Variants in PLCD1 observed in about 807,000 individuals in gnomAD.
PLCD1 encodes the protein 1-phosphatidylinositol 4,5-bisphosphate phosphodiesterase delta-1.
Under a neutral mutation model 87.4 loss-of-function variants are expected in PLCD1, and 71 were observed. That is an observed-to-expected ratio of 0.81 (90% confidence interval 0.67 to 0.99). PLCD1 has a LOEUF of 0.99. Among genes scored for constraint, PLCD1 ranks in the 50% least tolerant of loss-of-function variants. PLCD1 has a pLI of 0.00. For missense variants in PLCD1, 867 were observed against 1,001.5 expected, an observed-to-expected ratio of 0.87 and a Z score of 1.81; for synonymous variants, 348 against 399.2, an observed-to-expected ratio of 0.87 and a Z score of 1.53.
chr3:38,017,349 G>T lies in PLCD1; in HGVS notation c.200-630C>A, dbSNP rs1700173745. ...TGCATGGGAGAGGAGACAGGGTCGT[G>T]CCCTGTGTGCAGCTGTGTGTGTCCT... is the stretch of plus-strand genomic sequence containing the variant. On this transcript the variant is annotated intron_variant, in intron 2 of 14. Transcript: ENST00000334661. The surrounding 1 kb of genome is among the most constrained non-coding windows in gnomAD (Gnocchi z 4.7). Among the ~76,000 whole-genome samples, 2 of 152,172 alleles carry T rather than the reference G, an allele frequency of 1.3e-5. No individual in the cohort carries two copies. Among genetic ancestry groups the T allele is most frequent in the Non-Finnish European group, 2.9e-5 (2 of 68,016 alleles).
intron 14 of PLCD1, 61 bp from the exon 15 acceptor site, chr3:38,007,919 G>C (rs139682605): frequency 4.5e-5 from 73 of 1,604,490 alleles, no homozygotes; most frequent in African/African-American, 3.3e-4. Context: ...GCGGCGGAGG[G>C]GGGGTGGATG....
chr3:38,020,148 C>T, intron 2 of PLCD1, 40 bp downstream of exon 2: 1 of 1,584,312 alleles, frequency 6.3e-7, no homozygotes, highest in Non-Finnish European at 8.7e-7. Flanking sequence ...TGAGCAGATT[C>T]CACACTCTAT....
intron 3 of PLCD1, among the ~76,000 whole-genome samples, chr3:38,012,496 CAT>C (rs1425888125): frequency 6.6e-6 from 1 of 150,794 alleles, no homozygotes; most frequent in Non-Finnish European, 1.5e-5. Context: ...ATTTGGAAAA[CAT>C]ATATATGTTA....
intron 1 of PLCD1, chr3:38,024,046 G>A: frequency 4.4e-6 from 2 of 451,538 alleles, no homozygotes; most frequent in Admixed American, 3.9e-5. Flanking sequence ...CCACATACAC[G>A]GTGCCTCAGA....
chr3:38,011,172 G>A lies in PLCD1; in HGVS notation c.790+42C>T, dbSNP rs199514996. The stretch of plus-strand genomic sequence containing the variant: ...CCCCAGGGGTCTCCCAGCCCAGTGC[G>A]GCCCTGCGACTGCAGGTAGCAGGCC... On this transcript the variant is annotated intron_variant, in intron 5 of 14. Transcript: ENST00000334661. 3.2e-4 allele frequency: 475 copies of A among 1,486,666 alleles called. 1 individual carries two copies. The African/African-American group carries it at 4.5e-3, about 14-fold the overall frequency. The allele number at this position is 1,486,666 out of a possible 1,614,324, so 92.1% of individuals were successfully genotyped here.
At chr3:38,009,629 C>G (rs1700034837) in intron 9 of PLCD1, 24 bp downstream of exon 9, 1 of 1,613,736 alleles carries the variant, frequency 6.2e-7, no homozygotes, top group Non-Finnish European at 8.5e-7. Context: ...CCGGGCTGCC[C>G]CACCCCACAG....
intron 3 of PLCD1, among the ~76,000 whole-genome samples, chr3:38,013,208 CTTTTTTT>C (rs869279889): frequency 4.2e-4 from 50 of 118,506 alleles, no homozygotes; most frequent in East Asian, 2.5e-3. Context: ...TTTTAATTTT[CTTTTTTT>C]TTTTTTTTTT....
rs73060853 is a variant in PLCD1, at chr3:38,018,455, C to T, written c.199+1733G>A. Among the ~76,000 whole-genome samples, 3,676 of 152,198 alleles carry T rather than the reference C, an allele frequency of 0.024. 64 individuals are homozygous for T. The highest frequency in any genetic ancestry group is 0.099 in the Middle Eastern group (29 of 294). ...CTCCTCCTCACCCTGCACCTTGGCTCACACTGGGCCTCCTGCCTGCAATGT... is the reference window on the plus strand; with the variant it reads ...CTCCTCCTCACCCTGCACCTTGGCTTACACTGGGCCTCCTGCCTGCAATGT... On this transcript the variant is annotated intron_variant, in intron 2 of 14. Transcript: ENST00000334661. This position sits in a 1 kb window ranked among gnomAD's most constrained non-coding sequence, Gnocchi z 5.7.
chr3:38,013,089 C>T (rs1463442572), intron 3 of PLCD1, among the ~76,000 whole-genome samples: 2 of 151,912 alleles, frequency 1.3e-5, no homozygotes, highest in African/African-American at 4.8e-5. Flanking sequence ...GGGGTTTTGC[C>T]ACGTTGCCCA....
chr3:38,022,821 C>T (rs553214616), intron 1 of PLCD1, among the ~76,000 whole-genome samples: 119 of 152,260 alleles, frequency 7.8e-4, no homozygotes, highest in Middle Eastern at 3.4e-3. Context: ...CCCTTGCTCC[C>T]TTAGCACCCA....
rs1700040879 is a variant in PLCD1, at chr3:38,009,876, C to A, written c.1287+28G>T. 2.5e-6 allele frequency: 4 copies of A among 1,597,992 alleles called. No individual in the cohort carries two copies. In the East Asian group the frequency reaches 9.1e-5, roughly 36 times the overall value. ...CCCCGGCTAGGCTCCCCACCCTCCC[C>A]CAGGGATCCCCCATCCCCACCACAC... On this transcript the variant is annotated intron_variant, in intron 8 of 14. Coordinates refer to ENST00000334661, the MANE Select transcript of PLCD1 (RefSeq NM_006225.4).
At position 38,018,069 on chromosome 3, in the gene PLCD1, T is replaced by C. The variant is rs1244403366; in HGVS notation, c.200-1350A>G. 1.3e-5 allele frequency among the ~76,000 whole-genome samples: 2 copies of C among 152,100 alleles called. No homozygotes were observed. The highest frequency in any genetic ancestry group is 4.8e-5 in the African/African-American group (2 of 41,406). ...CACTGCTGATAACACCTTTGGCCTC[T>C]GGGAACCAGAGTCATGGGGGTGGGT... On this transcript the variant is annotated intron_variant, in intron 2 of 14. Coordinates refer to ENST00000334661, the MANE Select transcript of PLCD1 (RefSeq NM_006225.4). This position sits in a 1 kb window ranked among gnomAD's most constrained non-coding sequence, Gnocchi z 5.7.
Position 38,007,821 on chromosome 3 carries a change from G to C in PLCD1, c.2223C>G (p.Asp741Glu). The C allele has an allele frequency of 1.2e-6, 2 of 1,614,210 alleles. No individual in the cohort carries two copies. The highest frequency in any genetic ancestry group is 1.7e-6 in the Non-Finnish European group (2 of 1,180,024). ...RHVHLMSKNG[D>E]QHPSATLFVK... ...CAAAGAGGGTGGCTGATGGATGCTG[G>C]TCCCCGTTCTTAGACATGAGGTGGA... Residue 741 changes from aspartate to glutamate, a missense_variant, in exon 15 of 15, where the codon GAC becomes GAG. Asp to Glu is a conservative substitution (Grantham distance 45). Coordinates refer to ENST00000334661, the MANE Select transcript of PLCD1 (RefSeq NM_006225.4).
At position 38,018,366 on chromosome 3, in the gene PLCD1, T is replaced by C. The variant is rs748428250; in HGVS notation, c.200-1647A>G. 1.8e-4 allele frequency among the ~76,000 whole-genome samples: 27 copies of C among 151,928 alleles called. No individual in the cohort carries two copies. The highest frequency in any genetic ancestry group is 3.7e-4 in the Non-Finnish European group (25 of 67,946). On this transcript the variant is annotated intron_variant, in intron 2 of 14. Transcript: ENST00000334661. This position sits in a 1 kb window ranked among gnomAD's most constrained non-coding sequence, Gnocchi z 5.7. ...ACACCTGGCTCCCTGACCCTGGACC[T>C]GGCTCCCTGCAGCCCCTCCTCCTGG... is the stretch of plus-strand genomic sequence containing the variant.
chr3:38,021,260 G>A (rs141354519), intron 1 of PLCD1, among the ~76,000 whole-genome samples: 194 of 152,270 alleles, frequency 1.3e-3, no homozygotes, highest in African/African-American at 4.4e-3. Context: ...CCTGTCCTTC[G>A]CTGCCCCAGC....
At chr3:38,008,691 C>G in intron 11 of PLCD1, 55 bp from the exon 12 acceptor site, 1 of 1,509,674 alleles carries the variant, frequency 6.6e-7, no homozygotes, top group Non-Finnish European at 9.2e-7. Flanking sequence ...GGCCCTAGAG[C>G]ACAGCCTGCT....
intron 1 of PLCD1, chr3:38,024,891 T>G: frequency 3.0e-6 from 1 of 329,040 alleles, no homozygotes; most frequent in Non-Finnish European, 5.4e-6. Flanking sequence ...TGTCGAGGCG[T>G]GGGTGGGGAT....
At chr3:38,024,624 C>G in intron 1 of PLCD1, 1 of 1,516,824 alleles carries the variant, frequency 6.6e-7, no homozygotes, top group Non-Finnish European at 8.8e-7. Context: ...TTCGGAGGGG[C>G]GGGACGAGAG....
rs2154775 is a variant in PLCD1 at position 38,014,798 on chromosome 3, T to A, written c.428+1693A>T. ...ACAACTCAATAATAAAGACAAATGA[T>A]CCAAAAAATGGGCAAAGGACCTGAA... On this transcript the variant is annotated intron_variant, in intron 3 of 14. Coordinates refer to ENST00000334661, the MANE Select transcript of PLCD1 (RefSeq NM_006225.4). The A allele has an allele frequency of 1.2e-4, 19 of 152,270 alleles. No homozygotes were observed. The East Asian group carries it at 3.5e-3, about 28-fold the overall frequency. 9.4% of individuals were successfully genotyped at this position (152,270 alleles called of 1,614,324 possible).
Sources: allele counts gnomAD v4.1 joint callset (sites outside exome capture counted in the v4.1 genomes callset), GRCh38; gene constraint gnomAD v4.1.1; non-coding constraint Gnocchi (gnomAD v3.1); transcripts MANE v1.5; gene names NCBI Gene and HGNC (gene_info 2026-07-23, HGNC 2026-07-21).